Variants in MMS22L observed in about 807,000 individuals in gnomAD.
MMS22L encodes the protein MMS22 like, DNA repair protein.
MMS22L carries 74 observed loss-of-function variants against 159.1 expected under a neutral mutation model. The ratio of observed to expected loss-of-function variants is 0.47; its 90% CI spans 0.39 to 0.56. The LOEUF is 0.56. MMS22L is among the 20% of genes least tolerant of loss of function. The pLI is 0.00. For missense variants in MMS22L, 1,351 were observed against 1,422.1 expected (o/e 0.95, Z 0.80); for synonymous variants, 517 against 506.9 (o/e 1.02, Z -0.27).
chr6:97,166,628 C>T (rs1802985940), intron 20 of MMS22L, among the ~76,000 whole-genome samples: 2 of 152,032 alleles, frequency 1.3e-5, no homozygotes, highest in Non-Finnish European at 2.9e-5. Flanking sequence ...CTGAAAATTC[C>T]GAAGAGGAGA....
chr6:97,244,301 A>T (rs1348626732), intron 11 of MMS22L, among the ~76,000 whole-genome samples: 1 of 152,174 alleles, frequency 6.6e-6, no homozygotes, highest in Non-Finnish European at 1.5e-5. Flanking sequence ...TTCTCAGGTG[A>T]TGGATGGGGC....
chr6:97,234,096 C>G, intron 11 of MMS22L, 116 bp from the exon 12 acceptor site: 1 of 1,097,252 alleles, frequency 9.1e-7, no homozygotes, highest in Non-Finnish European at 1.3e-6. Flanking sequence ...TATGTGTCAC[C>G]CAATCATACC....
intron 14 of MMS22L, among the ~76,000 whole-genome samples, chr6:97,209,646 T>C (rs1283496791): frequency 6.6e-6 from 1 of 152,070 alleles, no homozygotes; most frequent in African/African-American, 2.4e-5. Flanking sequence ...TAATCAACTA[T>C]GACATAGTTA....
chr6:97,215,801 A>C (rs192293734), intron 14 of MMS22L, among the ~76,000 whole-genome samples: 59 of 152,304 alleles, frequency 3.9e-4, no homozygotes, highest in Middle Eastern at 3.4e-3. Context: ...AATTTGCAGA[A>C]AGCTGAATTC....
chr6:97,186,549 ACT>A lies in MMS22L; in HGVS notation c.2179_2180del (p.Gln728GlufsTer49), dbSNP rs1359764940. On this transcript the variant is annotated frameshift_variant, in exon 15 of 25. Transcript: ENST00000683635. LOFTEE classifies it high-confidence loss of function. The part of the protein sequence containing the change: ...LWRHFFSFLK[S>X]QRMSQVVPFS... ...AAGGCACTACCTGTGACATTCTCTG[ACT>A]CTTCAAAAATGAAAAGAAATGTCTC... The A allele has an allele frequency of 1.9e-6, 3 of 1,612,964 alleles. No homozygotes were observed. The highest frequency in any genetic ancestry group is 2.7e-5 in the African/African-American group (2 of 74,894).
intron 14 of MMS22L, among the ~76,000 whole-genome samples, chr6:97,218,518 G>C (rs930468213): frequency 6.6e-5 from 10 of 152,066 alleles, no homozygotes; most frequent in African/African-American, 2.4e-4. Context: ...TCATGTGACT[G>C]GTTCACTGAT....
At chr6:97,148,600 G>C (rs1268921302) in intron 24 of MMS22L, among the ~76,000 whole-genome samples, 1 of 151,606 alleles carries the variant, frequency 6.6e-6, no homozygotes, top group Non-Finnish European at 1.5e-5. Context: ...ATAGAAAAAA[G>C]CTTATTCAAG....
chr6:97,233,424 T>C (rs997196643), intron 12 of MMS22L, among the ~76,000 whole-genome samples: 1 of 152,122 alleles, frequency 6.6e-6, no homozygotes, highest in Non-Finnish European at 1.5e-5. Flanking sequence ...CCGGGTTAGA[T>C]ACCCTCTCCT....
intron 11 of MMS22L, among the ~76,000 whole-genome samples, chr6:97,241,248 C>A (rs1420772786): frequency 6.6e-6 from 1 of 152,132 alleles, no homozygotes; most frequent in Non-Finnish European, 1.5e-5. Flanking sequence ...TTTGCAATTG[C>A]AAATTGTGCT....
Position 97,229,034 on chromosome 6 carries a change from T to C in MMS22L, c.1899A>G (p.Glu633=), listed in dbSNP as rs143143212. ...ACAAGCAATAGCTGGTCTCAAACAC[T>C]TCTTGAACACCATCAATGTATATGG... is the stretch of plus-strand genomic sequence containing the variant. ...LLSIYIDGVQ[E]VFETSYCLYP... is the part of the protein sequence containing the mutation. Residue 633 remains glutamate, a synonymous_variant, in exon 14 of 25, where the codon GAA becomes GAG. Transcript: ENST00000683635. 5.5e-3 allele frequency: 8,900 copies of C among 1,614,130 alleles called. 37 individuals are homozygous for C. The highest frequency in any genetic ancestry group is 6.5e-3 in the Non-Finnish European group (7,651 of 1,179,996).
chr6:97,147,401 G>GTA (rs1308969379), intron 24 of MMS22L, among the ~76,000 whole-genome samples: 5 of 152,102 alleles, frequency 3.3e-5, no homozygotes, highest in African/African-American at 1.2e-4. Context: ...CCCTGTATTT[G>GTA]GAAGGTGTTT....
At position 97,146,800 on chromosome 6, in the gene MMS22L, AAT is replaced by A; in HGVS notation, c.*4_*5del. 1.9e-6 allele frequency: 3 copies of A among 1,559,536 alleles called. No homozygotes were observed. The highest frequency in any genetic ancestry group is 2.6e-6 in the Non-Finnish European group (3 of 1,152,840). On this transcript the variant is annotated 3_prime_UTR_variant, in exon 25 of 25. Transcript: ENST00000683635. ...AATTAATAGACAGGATGAATCACAA[AAT>A]ATATTAAGTATTATCATTTTCCAGT...
intron 10 of MMS22L, among the ~76,000 whole-genome samples, chr6:97,252,046 GCACTC>G (rs1278721693): frequency 1.3e-5 from 2 of 150,130 alleles, no homozygotes; most frequent in Non-Finnish European, 3.0e-5. Flanking sequence ...CTGCGCCACT[GCACTC>G]CAGCCTGGGC....
chr6:97,227,571 G>A (rs1019571760), intron 14 of MMS22L, among the ~76,000 whole-genome samples: 2 of 152,090 alleles, frequency 1.3e-5, no homozygotes, highest in African/African-American at 2.4e-5. Context: ...TATAAAACCC[G>A]CCATGAAAAC....
chr6:97,153,917 A>G (rs1455727840), intron 22 of MMS22L, among the ~76,000 whole-genome samples: 2 of 152,214 alleles, frequency 1.3e-5, no homozygotes, highest in Non-Finnish European at 2.9e-5. Context: ...ACTGCTATAA[A>G]AATTAATTTA....
chr6:97,196,321 AT>A (rs1200337544), intron 14 of MMS22L, among the ~76,000 whole-genome samples: 6 of 152,182 alleles, frequency 3.9e-5, no homozygotes, highest in Admixed American at 2.6e-4. Context: ...AATTAAAAAA[AT>A]AATAGAGTTG....
rs1239574617 is a variant in MMS22L, at chr6:97,143,623, AAAG to A, written c.*3180_*3182del. 1 of 152,230 alleles carries A rather than the reference AAAG, an allele frequency of 6.6e-6. No homozygotes were observed. The highest frequency in any genetic ancestry group is 2.4e-5 in the African/African-American group (1 of 41,466). The allele number at this position is 152,230 out of a possible 1,614,324, so 9.4% of individuals were successfully genotyped here. ...GATGCAAGGCACTGCAAAAAGATAA[AAAG>A]AAGCCTAAGATCCTGTAATGGTAAT... On this transcript the variant is annotated 3_prime_UTR_variant, in exon 25 of 25. Coordinates refer to ENST00000683635, the MANE Select transcript of MMS22L (RefSeq NM_001350599.2).
At chr6:97,220,327 G>A (rs571969944) in intron 14 of MMS22L, among the ~76,000 whole-genome samples, 1 of 152,214 alleles carries the variant, frequency 6.6e-6, no homozygotes, top group Non-Finnish European at 1.5e-5. Flanking sequence ...TAAGAAATGT[G>A]AAATTTTCTA....
At chr6:97,217,022 C>A (rs532450745) in intron 14 of MMS22L, among the ~76,000 whole-genome samples, 2 of 152,166 alleles carry the variant, frequency 1.3e-5, no homozygotes, top group East Asian at 3.9e-4. Context: ...ACTCTAGTTT[C>A]TGTTTTACAG....
Sources: allele counts gnomAD v4.1 joint callset (sites outside exome capture counted in the v4.1 genomes callset), GRCh38; gene constraint gnomAD v4.1.1; transcripts MANE v1.5; gene names NCBI Gene and HGNC (gene_info 2026-07-23, HGNC 2026-07-21).